The following LIN28B variants were observed in gnomAD, a reference collection of about 807,000 sequenced individuals.
LIN28B encodes the protein protein lin-28 homolog B.
A neutral mutation model predicts 21.9 loss-of-function variants in LIN28B; 5 were observed. The ratio of observed to expected loss-of-function variants is 0.23; its 90% CI spans 0.12 to 0.48. The LOEUF (loss-of-function observed/expected upper bound fraction) is 0.48. LIN28B is among the 20% of genes least tolerant of loss of function. The pLI, the probability that LIN28B is intolerant of heterozygous loss-of-function variation, is 0.98. For missense variants in LIN28B, 245 were observed against 310.5 expected, an observed-to-expected ratio of 0.79 and a Z score of 1.58; for synonymous variants, 109 against 111.3, an observed-to-expected ratio of 0.98 and a Z score of 0.13.
intron 3 of LIN28B, among the ~76,000 whole-genome samples, chr6:105,074,346 C>T (rs543580567): frequency 9.9e-5 from 15 of 152,054 alleles, no homozygotes; most frequent in Non-Finnish European, 1.6e-4. Flanking sequence ...TACAGGCCCC[C>T]GCCACCATGC....
At chr6:105,005,398 G>T (rs544229900) in intron 2 of LIN28B, among the ~76,000 whole-genome samples, 2 of 152,032 alleles carry the variant, frequency 1.3e-5, no homozygotes, top group African/African-American at 4.8e-5. Context: ...TCTCAATAAA[G>T]TGTTCTCCTT....
intron 2 of LIN28B, among the ~76,000 whole-genome samples, chr6:105,007,525 A>G (rs1280221143): frequency 1.3e-5 from 2 of 151,674 alleles, no homozygotes; most frequent in African/African-American, 4.8e-5. Flanking sequence ...ATTTTTAAAT[A>G]TATCTCTTTT....
At chr6:104,986,588 G>A (rs972162343) in intron 2 of LIN28B, among the ~76,000 whole-genome samples, 2 of 149,176 alleles carry the variant, frequency 1.3e-5, no homozygotes, top group Non-Finnish European at 3.0e-5. Flanking sequence ...CTTTACATTT[G>A]TGGTTCATTT....
In LIN28B at chr6:105,036,000, G is replaced by A. The variant is rs189833523; in HGVS notation, c.383+9518G>A. ...AGATGGAGGTAGAAAGTAAAAGAAG[G>A]TAAATTGATTAGGGAGAGACAATTT... On this transcript the variant is annotated intron_variant, in intron 3 of 3. Transcript: ENST00000345080. Among the ~76,000 whole-genome samples the A allele has an allele frequency of 7.7e-4, 117 of 152,276 alleles. 1 individual carries two copies. The highest frequency in any genetic ancestry group is 2.0e-3 in the Admixed American group (30 of 15,286).
At chr6:105,013,909 C>A (rs1054288242) in intron 2 of LIN28B, among the ~76,000 whole-genome samples, 1 of 152,064 alleles carries the variant, frequency 6.6e-6, no homozygotes, top group African/African-American at 2.4e-5. Context: ...TGGTGACGGG[C>A]CCTCTTTGAT....
intron 2 of LIN28B, among the ~76,000 whole-genome samples, chr6:105,018,144 A>G (rs1771066892): frequency 1.3e-5 from 2 of 151,528 alleles, no homozygotes; most frequent in South Asian, 4.2e-4. Context: ...AAAAGTAGCC[A>G]AGCATGGTAG....
At chr6:105,065,007 T>A (rs544327106) in intron 3 of LIN28B, among the ~76,000 whole-genome samples, 2 of 152,336 alleles carry the variant, frequency 1.3e-5, no homozygotes, top group East Asian at 3.9e-4. Context: ...TTAAGAGTAT[T>A]TGGACTTGTA....
chr6:105,020,043 A>G (rs1771103846), intron 2 of LIN28B, among the ~76,000 whole-genome samples: 1 of 152,022 alleles, frequency 6.6e-6, no homozygotes, highest in Non-Finnish European at 1.5e-5. Context: ...CCCTGGGTAA[A>G]AATAATTGGC....
At chr6:104,947,185 C>T (rs771557125) in intron 2 of LIN28B, among the ~76,000 whole-genome samples, 10 of 152,012 alleles carry the variant, frequency 6.6e-5, no homozygotes, top group Non-Finnish European at 1.3e-4. Context: ...AGTGGAGTGG[C>T]GGGATCTTGG....
At chr6:105,048,926 G>T (rs1050776947) in intron 3 of LIN28B, among the ~76,000 whole-genome samples, 2 of 151,892 alleles carry the variant, frequency 1.3e-5, no homozygotes, top group Admixed American at 6.6e-5. Context: ...TATTAGTCTT[G>T]CTTGCAGTCT....
chr6:105,035,485 C>T (rs1771504648), intron 3 of LIN28B, among the ~76,000 whole-genome samples: 1 of 152,088 alleles, frequency 6.6e-6, no homozygotes, highest in Non-Finnish European at 1.5e-5. Context: ...CATCTGAGGG[C>T]AGGAGATTAA....
chr6:105,007,531 CT>C (rs781241068), intron 2 of LIN28B, among the ~76,000 whole-genome samples: 374 of 143,518 alleles, frequency 2.6e-3, no homozygotes, highest in East Asian at 9.8e-3. Flanking sequence ...AAATATATCT[CT>C]TTTTTTTTTT....
At chr6:105,025,583 T>C (rs1014399560) in intron 2 of LIN28B, among the ~76,000 whole-genome samples, 3 of 152,138 alleles carry the variant, frequency 2.0e-5, no homozygotes. Context: ...CTCTTTAGTG[T>C]CTGTTGTTTC....
chr6:105,013,725 A>C (rs901809506), intron 2 of LIN28B, among the ~76,000 whole-genome samples: 2 of 1,354 alleles, frequency 1.5e-3, no homozygotes, highest in African/African-American at 0.036. Context: ...CCCTGTCTCA[A>C]AAAAAAAAAA....
rs767320067 is a variant in LIN28B, at chr6:105,027,327, C to T, written c.383+845C>T. On this transcript the variant is annotated intron_variant, in intron 3 of 3. Transcript: ENST00000345080. ...TCATTGAATGTTGTCTTTTTAAAAT[C>T]TTTTCCAGTTACATAGGTTAGAGAT... 2.6e-5 allele frequency among the ~76,000 whole-genome samples: 4 copies of T among 152,168 alleles called. No homozygotes were observed. The South Asian group carries it at 8.3e-4, about 31-fold the overall frequency.
At chr6:105,046,597 C>T (rs1771769286) in intron 3 of LIN28B, among the ~76,000 whole-genome samples, 1 of 152,182 alleles carries the variant, frequency 6.6e-6, no homozygotes, top group South Asian at 2.1e-4. Flanking sequence ...GCCACACTGA[C>T]TTCCACAATG....
intron 3 of LIN28B, among the ~76,000 whole-genome samples, chr6:105,031,161 A>G (rs1034915186): frequency 2.0e-5 from 3 of 151,984 alleles, no homozygotes; most frequent in Non-Finnish European, 2.9e-5. Flanking sequence ...CATTTATTAT[A>G]TTAGTCTGAA....
At chr6:105,067,002 T>C (rs979905786) in intron 3 of LIN28B, among the ~76,000 whole-genome samples, 12 of 152,148 alleles carry the variant, frequency 7.9e-5, no homozygotes, top group Admixed American at 5.2e-4. Flanking sequence ...CTGATGCTTA[T>C]TTACAGCAGA....
chr6:104,962,652 A>G (rs1769770974), intron 2 of LIN28B, among the ~76,000 whole-genome samples: 1 of 152,200 alleles, frequency 6.6e-6, no homozygotes, highest in Admixed American at 6.5e-5. Context: ...TAGAGTTCTT[A>G]TGTATTTAAT....
Sources: gnomAD v4.1 joint callset for allele counts (sites outside exome capture counted in the v4.1 genomes callset) on GRCh38, gnomAD v4.1.1 for gene constraint, MANE v1.5 for transcripts, NCBI Gene and HGNC (gene_info 2026-07-23, HGNC 2026-07-21) for gene names.